Variants in IL23R observed in about 807,000 individuals in gnomAD.
IL23R encodes the protein interleukin-23 receptor.
Under a neutral mutation model 56.9 loss-of-function variants are expected in IL23R, and 34 were observed. The observed-to-expected ratio is 0.60, with a 90% CI of 0.45 to 0.80. The LOEUF is 0.80. Among genes scored for constraint, IL23R ranks in the 30% least tolerant of loss-of-function variants. The pLI, the probability that IL23R is intolerant of heterozygous loss-of-function variation, is 0.00. For synonymous variants in IL23R, 230 were observed against 249.2 expected (o/e 0.92, Z 0.73); for missense variants, 635 against 730.0 (o/e 0.87, Z 1.50).
In IL23R at chr1:67,255,880, G is replaced by T; in HGVS notation, c.1192G>T (p.Glu398Ter). The change falls in exon 10 of 11, where the codon GAA becomes TAA. Residue 398 changes from glutamate to a stop codon, truncating the protein, a stop_gained. Coordinates refer to ENST00000347310, the MANE Select transcript of IL23R (RefSeq NM_144701.3). LOFTEE classifies it low-confidence loss of function (END_TRUNC). Reference protein sequence around the residue: ...ILLLIPKWLYEDIPNMKNSNV... With the variant: ...ILLLIPKWLY ...ATTGTTAATACCAAAGTGGCTTTAT[G>T]AAGATATTCCTAATATGAAAAACAG... is the stretch of plus-strand genomic sequence containing the variant. 6.2e-7 allele frequency: 1 copy of T among 1,602,634 alleles called. No homozygotes were observed. Among genetic ancestry groups the T allele is most frequent in the South Asian group, 1.1e-5 (1 of 90,860 alleles).
chr1:67,200,582 A>G (rs1270034939), intron 4 of IL23R, among the ~76,000 whole-genome samples, 155 bp from the exon 5 acceptor site: 1 of 151,852 alleles, frequency 6.6e-6, no homozygotes, highest in Non-Finnish European at 1.5e-5. Context: ...ACAGGGTTTC[A>G]CCATGTTGGC....
intron 9 of IL23R, among the ~76,000 whole-genome samples, chr1:67,249,250 G>A (rs1652463203): frequency 6.6e-6 from 1 of 152,168 alleles, no homozygotes; most frequent in Admixed American, 6.5e-5. Flanking sequence ...TTTTATTAAA[G>A]TTTTAGGGAT....
At chr1:67,248,398 A>T (rs1233874887) in intron 9 of IL23R, among the ~76,000 whole-genome samples, 1 of 151,890 alleles carries the variant, frequency 6.6e-6, no homozygotes, top group East Asian at 1.9e-4. Context: ...CTTCCACTTG[A>T]TTGACTCAGC....
rs770324228 is a variant in IL23R at position 67,168,137 on chromosome 1, T to G, written c.17T>G (p.Ile6Ser). The change falls in exon 2 of 11, where the codon ATT becomes AGT. Residue 6 changes from isoleucine to serine, a missense_variant. Transcript: ENST00000347310. MNQVT[I>S]QWDAVIALYI... ...CTTCCAGACATGAATCAGGTCACTA[T>G]TCAATGGGATGCAGTAATAGCCCTT... The G allele has an allele frequency of 9.9e-6, 16 of 1,611,564 alleles. No individual in the cohort carries two copies. Among genetic ancestry groups the G allele is most frequent in the Non-Finnish European group, 1.3e-5 (15 of 1,177,774 alleles).
At chr1:67,170,945 G>A (rs1646935650) in intron 3 of IL23R, among the ~76,000 whole-genome samples, 1 of 152,176 alleles carries the variant, frequency 6.6e-6, no homozygotes. Context: ...GGTGAGTTGA[G>A]GAAGGAAAGT....
At chr1:67,249,187 T>C (rs1230114315) in intron 9 of IL23R, among the ~76,000 whole-genome samples, 2 of 152,382 alleles carry the variant, frequency 1.3e-5, no homozygotes, top group East Asian at 3.9e-4. Context: ...TTTCTTGGTA[T>C]TTAATTAATT....
At chr1:67,168,028 G>A in intron 1 of IL23R, 64 bp from the exon 2 acceptor site, 1 of 919,204 alleles carries the variant, frequency 1.1e-6, no homozygotes. Context: ...AGGGAAAAAT[G>A]TTATGCTTTT....
At chr1:67,145,756 T>G (rs1646674001) in intron 1 of IL23R, among the ~76,000 whole-genome samples, 1 of 152,246 alleles carries the variant, frequency 6.6e-6, no homozygotes, top group Admixed American at 6.5e-5. Flanking sequence ...AACTGCATTC[T>G]CTGGCTGTGG....
At chr1:67,212,935 G>A (rs572434318) in intron 6 of IL23R, among the ~76,000 whole-genome samples, 24 of 151,846 alleles carry the variant, frequency 1.6e-4, no homozygotes, top group East Asian at 7.8e-4. Context: ...GTGCAGTGGC[G>A]TGATCTTGGC....
chr1:67,181,546 CA>C (rs1647141921), intron 3 of IL23R, among the ~76,000 whole-genome samples: 2 of 152,062 alleles, frequency 1.3e-5, no homozygotes, highest in Admixed American at 1.3e-4. Flanking sequence ...AATCTTTTTT[CA>C]AGGTTTTTAA....
At position 67,240,166 on chromosome 1, in the gene IL23R, T is replaced by C. The variant is rs756387744; in HGVS notation, c.1046-13T>C. On this transcript the variant is annotated splice_polypyrimidine_tract_variant and intron_variant, in intron 8 of 10. Transcript: ENST00000347310. Reference sequence around the variant, plus strand: ...AATGCTTGGTTAAAATTATTTTTCTTTCCTTTCATTAGACAACAGAGGAGA... The same window carrying C: ...AATGCTTGGTTAAAATTATTTTTCTCTCCTTTCATTAGACAACAGAGGAGA... 1 of 1,536,492 alleles carries C rather than the reference T, an allele frequency of 6.5e-7. No homozygotes were observed. The highest frequency in any genetic ancestry group is 9.0e-7 in the Non-Finnish European group (1 of 1,109,506).
intron 5 of IL23R, among the ~76,000 whole-genome samples, chr1:67,205,941 C>CTT (rs369567382): frequency 4.8e-5 from 4 of 83,850 alleles, no homozygotes; most frequent in African/African-American, 1.4e-4. Flanking sequence ...TTCTTTCTTT[C>CTT]TCTTTTTTTT....
intron 1 of IL23R, among the ~76,000 whole-genome samples, chr1:67,155,524 T>C (rs1321148431): frequency 6.6e-6 from 1 of 152,166 alleles, no homozygotes; most frequent in African/African-American, 2.4e-5. Context: ...TGTCTGTGTG[T>C]CTTATTTCAG....
At chr1:67,206,152 G>A (rs939701509) in intron 5 of IL23R, among the ~76,000 whole-genome samples, 15 of 150,102 alleles carry the variant, frequency 1.0e-4, no homozygotes, top group African/African-American at 3.7e-4. Context: ...AGCTGGGATT[G>A]GCACGCACCA....
At chr1:67,211,818 G>C (rs1390807661) in intron 6 of IL23R, among the ~76,000 whole-genome samples, 1 of 152,078 alleles carries the variant, frequency 6.6e-6, no homozygotes, top group South Asian at 2.1e-4. Context: ...AGGCCATCTT[G>C]GTAACAGGTA....
chr1:67,207,164 T>G (rs976810114), intron 6 of IL23R, 109 bp downstream of exon 6: 3 of 1,201,546 alleles, frequency 2.5e-6, no homozygotes, highest in African/African-American at 3.0e-5. Flanking sequence ...TTTAATCTGA[T>G]TGTTTGCATG....
At chr1:67,179,098 C>T (rs1647052936) in intron 3 of IL23R, among the ~76,000 whole-genome samples, 1 of 152,092 alleles carries the variant, frequency 6.6e-6, no homozygotes, top group East Asian at 1.9e-4. Context: ...TGTGTCTCTG[C>T]CAGGCTTTGG....
intron 6 of IL23R, among the ~76,000 whole-genome samples, chr1:67,216,841 G>A (rs1030141941): frequency 1.3e-5 from 2 of 152,158 alleles, no homozygotes; most frequent in African/African-American, 4.8e-5. Context: ...CTGAAGGTTG[G>A]TATAAGACAG....
intron 3 of IL23R, among the ~76,000 whole-genome samples, chr1:67,173,001 A>G (rs1227540054): frequency 1.3e-5 from 2 of 152,184 alleles, no homozygotes; most frequent in African/African-American, 2.4e-5. Context: ...CTCAGTAGAA[A>G]GGGATCCTTG....
Sources: allele counts gnomAD v4.1 joint callset (sites outside exome capture counted in the v4.1 genomes callset), GRCh38; gene constraint gnomAD v4.1.1; transcripts MANE v1.5; gene names NCBI Gene and HGNC (gene_info 2026-07-23, HGNC 2026-07-21).